The following TRIM26 variants were observed in gnomAD, a reference collection of about 807,000 sequenced individuals.
The protein encoded by TRIM26 is tripartite motif containing 26.
TRIM26 carries 16 observed loss-of-function variants against 45.5 expected under a neutral mutation model. That is an observed-to-expected ratio of 0.35 (90% CI 0.24 to 0.53). The LOEUF (loss-of-function observed/expected upper bound fraction) is 0.53. TRIM26 is among the 20% of genes least tolerant of loss of function. TRIM26 has a pLI of 0.92. For missense variants in TRIM26, 442 were observed against 691.1 expected, an observed-to-expected ratio of 0.64 and a Z score of 4.04; for synonymous variants, 273 against 290.4, an observed-to-expected ratio of 0.94 and a Z score of 0.61.
chr6:30,198,983 T>G lies in TRIM26; in HGVS notation c.121A>C (p.Thr41Pro). The change falls in exon 4 of 10, where the codon ACA becomes CCA. Residue 41 changes from threonine to proline, a missense_variant. Coordinates refer to ENST00000454678, the MANE Select transcript of TRIM26 (RefSeq NM_003449.5). The surrounding 1 kb of genome is among the most constrained non-coding windows in gnomAD (Gnocchi z 6.3). ...CGHVFCRSCT[T>P]DVRPISGSRP... ...CTCCCTGAGATGGGGCGGACGTCTGTGGTGCAGCTGCGGCAGAAGACGTGG... is the reference window on the plus strand; with the variant it reads ...CTCCCTGAGATGGGGCGGACGTCTGGGGTGCAGCTGCGGCAGAAGACGTGG... 1 of 1,612,382 alleles carries G rather than the reference T, an allele frequency of 6.2e-7. No individual in the cohort carries two copies. Among genetic ancestry groups the G allele is most frequent in the Non-Finnish European group, 8.5e-7 (1 of 1,179,572 alleles).
rs994924984 is a variant in TRIM26, at chr6:30,190,257, G to T, written c.766-222C>A. On this transcript the variant is annotated intron_variant, in intron 6 of 9. Coordinates refer to ENST00000454678, the MANE Select transcript of TRIM26 (RefSeq NM_003449.5). This position sits in a 1 kb window ranked among gnomAD's most constrained non-coding sequence, Gnocchi z 4.3. The stretch of plus-strand genomic sequence containing the variant: ...AGCCACAATGGCTGGGAGATGACAT[G>T]GGCAACCTCTCTGGGAGATACCTGC... The T allele has an allele frequency of 1.6e-5, 10 of 609,626 alleles. No homozygotes were observed. Among genetic ancestry groups the T allele is most frequent in the Non-Finnish European group, 2.9e-5 (10 of 342,784 alleles). 37.8% of individuals were successfully genotyped at this position (609,626 alleles called of 1,614,324 possible). A position where few individuals can be genotyped will look rare whatever the true frequency, so the allele number is the denominator to read the frequency against.
intron 1 of TRIM26, among the ~76,000 whole-genome samples, chr6:30,205,498 T>G (rs1012743287): frequency 3.3e-5 from 5 of 152,154 alleles, no homozygotes; most frequent in Admixed American, 6.5e-5. Context: ...AAGATGTGGA[T>G]GCATGCACGA....
In TRIM26 at chr6:30,199,233, G is replaced by C. The variant is rs1700264777; in HGVS notation, c.-130C>G. On this transcript the variant is annotated 5_prime_UTR_variant, in exon 4 of 10. Coordinates refer to ENST00000454678, the MANE Select transcript of TRIM26 (RefSeq NM_003449.5). Reference sequence around the variant, plus strand: ...AGCCTGCACAGGGCTGCCAGCTCCAGCACTCAGTCAATCGACAGACACCAC... The same window carrying C: ...AGCCTGCACAGGGCTGCCAGCTCCACCACTCAGTCAATCGACAGACACCAC... 6 of 807,712 alleles carry C rather than the reference G, an allele frequency of 7.4e-6. No homozygotes were observed. Among genetic ancestry groups the C allele is most frequent in the Non-Finnish European group, 1.1e-5 (6 of 533,004 alleles). 50.0% of individuals were successfully genotyped at this position (807,712 alleles called of 1,614,324 possible).
Position 30,186,936 on chromosome 6 carries a change from T to A in TRIM26, c.938-378A>T. The A allele has an allele frequency of 1.8e-6, 1 of 547,886 alleles. No individual in the cohort carries two copies. The highest frequency in any genetic ancestry group is 3.3e-6 in the Non-Finnish European group (1 of 301,250). The allele number at this position is 547,886 out of a possible 1,614,324, so 33.9% of individuals were successfully genotyped here. A position where few individuals can be genotyped will look rare whatever the true frequency, so the allele number is the denominator to read the frequency against. On this transcript the variant is annotated intron_variant, in intron 9 of 9. Coordinates refer to ENST00000454678, the MANE Select transcript of TRIM26 (RefSeq NM_003449.5). The surrounding 1 kb of genome is among the most constrained non-coding windows in gnomAD (Gnocchi z 7.4). ...TGAAAAATCTGTTCCATTTTCTTCA[T>A]AATCCAGAAAAAAAGTCCTCTTTTT...
In TRIM26 at chr6:30,199,147, T is replaced by C; in HGVS notation, c.-44A>G. On this transcript the variant is annotated 5_prime_UTR_variant, in exon 4 of 10. Transcript: ENST00000454678. ...AGGTCTCCGTTCACTGGTGAGGACT[T>C]CTTCTCCTTGGAGACGCGACATAGA... The C allele has an allele frequency of 6.6e-7, 1 of 1,512,860 alleles. No homozygotes were observed. Among genetic ancestry groups the C allele is most frequent in the East Asian group, 2.3e-5 (1 of 43,756 alleles). The allele number at this position is 1,512,860 out of a possible 1,614,324, so 93.7% of individuals were successfully genotyped here. A position where few individuals can be genotyped will look rare whatever the true frequency, so the allele number is the denominator to read the frequency against.
At position 30,199,149 on chromosome 6, in the gene TRIM26, T is replaced by C. The variant is rs1776830478; in HGVS notation, c.-46A>G. ...GTCTCCGTTCACTGGTGAGGACTTC[T>C]TCTCCTTGGAGACGCGACATAGAGT... On this transcript the variant is annotated 5_prime_UTR_variant, in exon 4 of 10. Transcript: ENST00000454678. 2.6e-6 allele frequency: 4 copies of C among 1,510,476 alleles called. No individual in the cohort carries two copies. In the South Asian group the frequency reaches 5.3e-5, roughly 20 times the overall value. 93.6% of individuals were successfully genotyped at this position (1,510,476 alleles called of 1,614,324 possible).
chr6:30,193,182 ATT>A (rs59857727), intron 6 of TRIM26, among the ~76,000 whole-genome samples: 1 of 38,818 alleles, frequency 2.6e-5, no homozygotes, highest in Admixed American at 3.9e-4. Context: ...ATATATATAT[ATT>A]TTTTTTTTTT....
In TRIM26 at chr6:30,196,292, A is replaced by G. The variant is rs1776449188; in HGVS notation, c.765+224T>C. Among the ~76,000 whole-genome samples the G allele has an allele frequency of 6.6e-6, 1 of 152,214 alleles. No homozygotes were observed. ...TTCTACTATACCATTTAGTTTTTTG[A>G]ACAGTTTTGTGTAAAAAGTTTATTT... On this transcript the variant is annotated intron_variant, in intron 6 of 9. Transcript: ENST00000454678. The surrounding 1 kb of genome is among the most constrained non-coding windows in gnomAD (Gnocchi z 4.9).
At chr6:30,187,943 G>A (rs1469594101) in intron 9 of TRIM26, among the ~76,000 whole-genome samples, 1 of 141,428 alleles carries the variant, frequency 7.1e-6, no homozygotes, top group African/African-American at 2.7e-5. Flanking sequence ...AAAAAGGCCG[G>A]GCGCGGTGGC....
intron 1 of TRIM26, among the ~76,000 whole-genome samples, chr6:30,210,613 C>T (rs974752339): frequency 6.6e-6 from 1 of 152,222 alleles, no homozygotes; most frequent in African/African-American, 2.4e-5. Context: ...TCAGGAGATG[C>T]ATTCCAAAAC....
chr6:30,207,359 C>T lies in TRIM26; in HGVS notation c.-375-2594G>A, dbSNP rs116498583. Among the ~76,000 whole-genome samples the T allele has an allele frequency of 6.9e-3, 1,057 of 152,270 alleles. 7 individuals are homozygous for T. Among genetic ancestry groups the T allele is most frequent in the African/African-American group, 0.016 (647 of 41,556 alleles). ...AAAAGTGGCAAACTCCCTGTCCTAC[C>T]AGAACTTACATCCAGTGACCTGAGG... On this transcript the variant is annotated intron_variant, in intron 1 of 9. Transcript: ENST00000454678. This position sits in a 1 kb window ranked among gnomAD's most constrained non-coding sequence, Gnocchi z 4.9.
Position 30,190,821 on chromosome 6 carries a change from A to T in TRIM26, c.766-786T>A, listed in dbSNP as rs1209778717. ...CTGGTGGAAGAACCACATGGAAGTA[A>T]CCCAGTCCCTTGGATAAGCTTATGT... On this transcript the variant is annotated intron_variant, in intron 6 of 9. Coordinates refer to ENST00000454678, the MANE Select transcript of TRIM26 (RefSeq NM_003449.5). The surrounding 1 kb of genome is among the most constrained non-coding windows in gnomAD (Gnocchi z 4.3). Among the ~76,000 whole-genome samples the T allele has an allele frequency of 6.6e-6, 1 of 152,180 alleles. No homozygotes were observed. The highest frequency in any genetic ancestry group is 1.5e-5 in the Non-Finnish European group (1 of 68,028).
intron 6 of TRIM26, among the ~76,000 whole-genome samples, chr6:30,193,182 A>ATT (rs59857727): frequency 0.048 from 1,854 of 38,678 alleles, 135 homozygotes; most frequent in Non-Finnish European, 0.059. Flanking sequence ...ATATATATAT[A>ATT]TTTTTTTTTT....
chr6:30,188,359 G>A, intron 9 of TRIM26: 1 of 437,498 alleles, frequency 2.3e-6, no homozygotes, highest in Non-Finnish European at 4.2e-6. Context: ...AAAACTACCA[G>A]CCTGCTCTGT....
chr6:30,196,890 G>T lies in TRIM26; in HGVS notation c.535-144C>A. On this transcript the variant is annotated intron_variant, in intron 5 of 9. Coordinates refer to ENST00000454678, the MANE Select transcript of TRIM26 (RefSeq NM_003449.5). This position sits in a 1 kb window ranked among gnomAD's most constrained non-coding sequence, Gnocchi z 4.9. Reference sequence around the variant, plus strand: ...GATCTGGAGTGGGAGGAGCTACAGAGGGTTCCTGGTCCACACTCCGCTTCT... The same window carrying T: ...GATCTGGAGTGGGAGGAGCTACAGATGGTTCCTGGTCCACACTCCGCTTCT... 1 of 744,888 alleles carries T rather than the reference G, an allele frequency of 1.3e-6. No homozygotes were observed. Among genetic ancestry groups the T allele is most frequent in the Non-Finnish European group, 2.2e-6 (1 of 458,656 alleles). The allele number at this position is 744,888 out of a possible 1,614,324, so 46.1% of individuals were successfully genotyped here.
chr6:30,186,424 G>A lies in TRIM26; in HGVS notation c.1072C>T (p.Leu358=). The change falls in exon 10 of 10, where the codon CTA becomes TTA. Residue 358 remains leucine, a synonymous_variant. Transcript: ENST00000454678. The surrounding 1 kb of genome is among the most constrained non-coding windows in gnomAD (Gnocchi z 7.4). The part of the protein sequence containing the change: ...PQQFDCEPGV[L]GSKGFTWGKV... Reference sequence around the variant, plus strand: ...CCCCAGGTGAAGCCCTTGCTGCCTAGCACCCCAGGCTCACAGTCAAACTGC... The same window carrying A: ...CCCCAGGTGAAGCCCTTGCTGCCTAACACCCCAGGCTCACAGTCAAACTGC... 1 of 1,608,054 alleles carries A rather than the reference G, an allele frequency of 6.2e-7. No homozygotes were observed. The highest frequency in any genetic ancestry group is 1.3e-5 in the African/African-American group (1 of 74,916).
intron 6 of TRIM26, among the ~76,000 whole-genome samples, chr6:30,192,796 G>T (rs1455018648): frequency 6.6e-6 from 1 of 152,008 alleles, no homozygotes; most frequent in African/African-American, 2.4e-5. Context: ...TAGCTGTCCA[G>T]TTCCCACGCA....
Position 30,196,451 on chromosome 6 carries a change from G to A in TRIM26, c.765+65C>T. ...CCCCAAGTCTTCTAAGGTCCTGCAAGTGAATGGCAGGGCTGGGACCCACCG... is the reference window on the plus strand; with the variant it reads ...CCCCAAGTCTTCTAAGGTCCTGCAAATGAATGGCAGGGCTGGGACCCACCG... On this transcript the variant is annotated intron_variant, in intron 6 of 9. Coordinates refer to ENST00000454678, the MANE Select transcript of TRIM26 (RefSeq NM_003449.5). The surrounding 1 kb of genome is among the most constrained non-coding windows in gnomAD (Gnocchi z 4.9). The A allele has an allele frequency of 6.6e-7, 1 of 1,510,468 alleles. No individual in the cohort carries two copies. The highest frequency in any genetic ancestry group is 9.0e-7 in the Non-Finnish European group (1 of 1,111,632). The allele number at this position is 1,510,468 out of a possible 1,614,324, so 93.6% of individuals were successfully genotyped here. A position where few individuals can be genotyped will look rare whatever the true frequency, so the allele number is the denominator to read the frequency against.
intron 6 of TRIM26, among the ~76,000 whole-genome samples, chr6:30,192,639 A>G (rs1775971967): frequency 6.6e-6 from 1 of 151,914 alleles, no homozygotes; most frequent in Admixed American, 6.6e-5. Context: ...TCAGCCTCCC[A>G]AAGTGCTGGA....
Sources: allele counts gnomAD v4.1 joint callset (sites outside exome capture counted in the v4.1 genomes callset), GRCh38; gene constraint gnomAD v4.1.1; non-coding constraint Gnocchi (gnomAD v3.1); transcripts MANE v1.5; gene names NCBI Gene and HGNC (gene_info 2026-07-23, HGNC 2026-07-21).